Variants in CSRP2 observed in about 807,000 individuals in gnomAD.
CSRP2 encodes cysteine and glycine rich protein 2.
Under a neutral mutation model 24.6 loss-of-function variants are expected in CSRP2, and 18 were observed. That is an observed-to-expected ratio of 0.73 (90% CI 0.51 to 1.09). CSRP2 has a LOEUF of 1.09. Among genes scored for constraint, CSRP2 ranks in the 50% least tolerant of loss-of-function variants. CSRP2 has a pLI of 0.00. For missense variants in CSRP2, 215 were observed against 239.4 expected (o/e 0.90, Z 0.67); for synonymous variants, 87 against 84.3 (o/e 1.03, Z -0.18).
intron 2 of CSRP2, among the ~76,000 whole-genome samples, chr12:76,865,195 C>T (rs1953723062): frequency 6.6e-6 from 1 of 152,188 alleles, no homozygotes; most frequent in African/African-American, 2.4e-5. Flanking sequence ...GACATTGTGG[C>T]TTAACCTAGA....
chr12:76,866,677 G>A (rs890838659), intron 1 of CSRP2, among the ~76,000 whole-genome samples: 1 of 152,176 alleles, frequency 6.6e-6, no homozygotes, highest in African/African-American at 2.4e-5. Flanking sequence ...TTACCCTTGG[G>A]TGGAGGTTTT....
At chr12:76,874,560 C>T (rs1468817329) in intron 1 of CSRP2, among the ~76,000 whole-genome samples, 2 of 145,974 alleles carry the variant, frequency 1.4e-5, no homozygotes, top group Non-Finnish European at 3.1e-5. Flanking sequence ...TAGGAGCACT[C>T]GGGGCCTGAA....
At chr12:76,877,150 G>C (rs150239858) in intron 1 of CSRP2, among the ~76,000 whole-genome samples, 8 of 152,292 alleles carry the variant, frequency 5.3e-5, no homozygotes, top group Admixed American at 5.2e-4. Flanking sequence ...AGAAAACCTA[G>C]AGACCCAGAT....
intron 3 of CSRP2, 139 bp downstream of exon 3, chr12:76,863,037 G>GT: frequency 1.4e-6 from 2 of 1,434,376 alleles, no homozygotes. Flanking sequence ...TTTTGAACTA[G>GT]TTGACATTAG....
At chr12:76,868,405 G>A (rs1482774373) in intron 1 of CSRP2, among the ~76,000 whole-genome samples, 2 of 152,146 alleles carry the variant, frequency 1.3e-5, no homozygotes, top group Non-Finnish European at 2.9e-5. Context: ...TCTCATGATA[G>A]TGAATAAGTC....
chr12:76,859,674 G>C, intron 4 of CSRP2, 34 bp from the exon 5 acceptor site: 1 of 1,521,132 alleles, frequency 6.6e-7, no homozygotes, highest in Admixed American at 1.7e-5. Context: ...ATGTTTGAGA[G>C]GCCTGTTTCC....
chr12:76,877,345 G>A (rs1953862293), intron 1 of CSRP2, among the ~76,000 whole-genome samples: 1 of 152,196 alleles, frequency 6.6e-6, no homozygotes, highest in African/African-American at 2.4e-5. Flanking sequence ...TTTCAGCACA[G>A]TACTTAGCCT....
chr12:76,877,334 C>T (rs1383804401), intron 1 of CSRP2, among the ~76,000 whole-genome samples: 1 of 152,246 alleles, frequency 6.6e-6, no homozygotes, highest in Non-Finnish European at 1.5e-5. Context: ...GCAAGTACTG[C>T]TTTCAGCACA....
At chr12:76,864,745 TTAAAC>T (rs1180671503) in intron 2 of CSRP2, 1 of 152,126 alleles carries the variant, frequency 6.6e-6, no homozygotes, top group Non-Finnish European at 1.5e-5. Context: ...GTCTATTATC[TTAAAC>T]TAAAGTCTTC....
chr12:76,863,227 GC>G lies in CSRP2; in HGVS notation c.229del (p.Ala77LeufsTer56). 1 of 1,614,232 alleles carries G rather than the reference GC, an allele frequency of 6.2e-7. No individual in the cohort carries two copies. Among genetic ancestry groups the G allele is most frequent in the South Asian group, 1.1e-5 (1 of 91,086 alleles). On this transcript the variant is annotated frameshift_variant, in exon 3 of 6. Coordinates refer to ENST00000311083, the MANE Select transcript of CSRP2 (RefSeq NM_001321.3). LOFTEE classifies it high-confidence loss of function. ...GCCACGGTCCATGTTAAGCGTGCCA[GC>G]GCCCTGGCCATAACCGTAGCCTTTT... ...GPKGYGYGQG[A>X]GTLNMDRGER...
At chr12:76,870,794 A>G (rs1953788579) in intron 1 of CSRP2, among the ~76,000 whole-genome samples, 1 of 151,714 alleles carries the variant, frequency 6.6e-6, no homozygotes, top group Non-Finnish European at 1.5e-5. Flanking sequence ...ACGCTATATT[A>G]CCTATATTTA....
At chr12:76,860,172 T>C (rs1374861305) in intron 4 of CSRP2, 112 bp downstream of exon 4, 2 of 1,170,882 alleles carry the variant, frequency 1.7e-6, no homozygotes, top group Non-Finnish European at 2.4e-6. Flanking sequence ...AAAAGTTTCA[T>C]ATAAGACAGT....
chr12:76,864,988 CCTTT>C (rs1251691444), intron 2 of CSRP2: 2 of 152,152 alleles, frequency 1.3e-5, no homozygotes, highest in Non-Finnish European at 2.9e-5. Context: ...TATAACCACC[CCTTT>C]CTTCCCCAGT....
chr12:76,872,936 A>G (rs1381776516), intron 1 of CSRP2, among the ~76,000 whole-genome samples: 2 of 152,242 alleles, frequency 1.3e-5, no homozygotes, highest in Non-Finnish European at 2.9e-5. Context: ...TCAGAGCCGT[A>G]TGATAATCAA....
intron 3 of CSRP2, chr12:76,862,843 C>G (rs750793974): frequency 2.6e-6 from 4 of 1,523,576 alleles, no homozygotes; most frequent in Non-Finnish European, 3.5e-6. Flanking sequence ...ATGATTCACA[C>G]AGCACATTTC....
intron 1 of CSRP2, among the ~76,000 whole-genome samples, chr12:76,877,965 C>A (rs1359997322): frequency 3.3e-4 from 26 of 79,874 alleles, no homozygotes; most frequent in African/African-American, 8.0e-4. Flanking sequence ...CCCCGCCCCA[C>A]CCCCCCACCC....
intron 1 of CSRP2, among the ~76,000 whole-genome samples, chr12:76,876,713 G>A (rs905711476): frequency 1.6e-4 from 25 of 152,336 alleles, no homozygotes; most frequent in African/African-American, 5.5e-4. Context: ...GAGGAAACCT[G>A]TGAACATCTG....
In CSRP2 at chr12:76,858,870, C is replaced by G; in HGVS notation, c.*82G>C. 1 of 1,271,716 alleles carries G rather than the reference C, an allele frequency of 7.9e-7. No homozygotes were observed. Among genetic ancestry groups the G allele is most frequent in the Non-Finnish European group, 1.1e-6 (1 of 873,610 alleles). The allele number at this position is 1,271,716 out of a possible 1,614,324, so 78.8% of individuals were successfully genotyped here. A position where few individuals can be genotyped will look rare whatever the true frequency, so the allele number is the denominator to read the frequency against. On this transcript the variant is annotated 3_prime_UTR_variant, in exon 6 of 6. Coordinates refer to ENST00000311083, the MANE Select transcript of CSRP2 (RefSeq NM_001321.3). ...AGTACTTAATGCTGGTAGAATTTCA[C>G]AGTAGTTTAGTGTTAAAGATTATCT... is the stretch of plus-strand genomic sequence containing the variant.
chr12:76,868,376 C>T (rs1046979249), intron 1 of CSRP2, among the ~76,000 whole-genome samples: 1 of 151,736 alleles, frequency 6.6e-6, no homozygotes, highest in Non-Finnish European at 1.5e-5. Context: ...AATCCTGGGG[C>T]GAGTCTTTCG....
Sources: allele counts gnomAD v4.1 joint callset (sites outside exome capture counted in the v4.1 genomes callset), GRCh38; gene constraint gnomAD v4.1.1; transcripts MANE v1.5; gene names NCBI Gene and HGNC (gene_info 2026-07-23, HGNC 2026-07-21).